The following NSMCE1 variants were observed in gnomAD, a reference collection of about 807,000 sequenced individuals.
NSMCE1 encodes non-structural maintenance of chromosomes element 1 homolog.
NSMCE1 carries 18 observed loss-of-function variants against 29.6 expected under a neutral mutation model. That is an observed-to-expected ratio of 0.61 (90% CI 0.42 to 0.90). The LOEUF is 0.90. NSMCE1 is among the 40% of genes least tolerant of loss of function. NSMCE1 has a pLI of 0.00. For missense variants in NSMCE1, 314 were observed against 343.6 expected, an observed-to-expected ratio of 0.91 and a Z score of 0.68; for synonymous variants, 124 against 133.4, an observed-to-expected ratio of 0.93 and a Z score of 0.49.
At chr16:27,256,084 G>A (rs138235295) in intron 2 of NSMCE1, among the ~76,000 whole-genome samples, 7 of 151,982 alleles carry the variant, frequency 4.6e-5, no homozygotes, top group African/African-American at 7.2e-5. Flanking sequence ...TTTTTTTTGT[G>A]TCCCTTCACC....
intron 1 of NSMCE1, among the ~76,000 whole-genome samples, chr16:27,265,707 G>GC (rs2141013769): frequency 6.6e-6 from 1 of 152,260 alleles, no homozygotes; most frequent in Non-Finnish European, 1.5e-5. Context: ...CAGCAATGAA[G>GC]ACAAAGTAGA....
At chr16:27,236,137 G>A (rs115640206) in intron 2 of NSMCE1, among the ~76,000 whole-genome samples, 209 of 152,254 alleles carry the variant, frequency 1.4e-3, no homozygotes, top group African/African-American at 4.8e-3. Flanking sequence ...CACTATTGCC[G>A]GGGGCTCAGC....
chr16:27,244,506 C>T (rs2083931260), intron 2 of NSMCE1, among the ~76,000 whole-genome samples: 1 of 152,196 alleles, frequency 6.6e-6, no homozygotes, highest in Non-Finnish European at 1.5e-5. Flanking sequence ...CCTATGTTGC[C>T]ACCTGCCTTT....
At chr16:27,226,987 C>T (rs2083704730) in intron 5 of NSMCE1, 151 bp from the exon 6 acceptor site, 1 of 628,770 alleles carries the variant, frequency 1.6e-6, no homozygotes, top group Admixed American at 2.6e-5. Context: ...GCATCAGCCA[C>T]ATCCCCCTGG....
At chr16:27,251,527 G>A (rs1346446658) in intron 2 of NSMCE1, among the ~76,000 whole-genome samples, 1 of 152,074 alleles carries the variant, frequency 6.6e-6, no homozygotes, top group Non-Finnish European at 1.5e-5. Flanking sequence ...CCACAGTTGG[G>A]TTTAGCACGT....
At chr16:27,243,639 C>T (rs4553637) in intron 2 of NSMCE1, among the ~76,000 whole-genome samples, 30,364 of 152,114 alleles carry the variant, frequency 0.2, 3,481 homozygotes, top group East Asian at 0.41. Flanking sequence ...GTAACTGATA[C>T]TACCCTAATT....
chr16:27,238,253 A>G (rs2083848970), intron 2 of NSMCE1, among the ~76,000 whole-genome samples: 1 of 152,042 alleles, frequency 6.6e-6, no homozygotes, highest in African/African-American at 2.4e-5. Flanking sequence ...AGCCACACAC[A>G]GTCTCGCCTC....
At chr16:27,238,793 A>C (rs2083856713) in intron 2 of NSMCE1, among the ~76,000 whole-genome samples, 1 of 151,756 alleles carries the variant, frequency 6.6e-6, no homozygotes. Context: ...AGGTGATGCC[A>C]TGCTTCCTGC....
At chr16:27,254,184 A>C (rs1052192390) in intron 2 of NSMCE1, among the ~76,000 whole-genome samples, 1 of 152,216 alleles carries the variant, frequency 6.6e-6, no homozygotes. Flanking sequence ...AAGTTTAGAT[A>C]ATTTCTGTCA....
At chr16:27,258,223 C>A (rs1054166261) in intron 1 of NSMCE1, 1 of 152,254 alleles carries the variant, frequency 6.6e-6, no homozygotes, top group African/African-American at 2.4e-5. Flanking sequence ...CTCCTGCTCA[C>A]TAACAAAATG....
At position 27,226,622 on chromosome 16, in the gene NSMCE1, A is replaced by T. The variant is rs546046790; in HGVS notation, c.600+98T>A. 3 of 766,274 alleles carry T rather than the reference A, an allele frequency of 3.9e-6. No individual in the cohort carries two copies. In the South Asian group the frequency reaches 4.9e-5, roughly 12 times the overall value. The allele number at this position is 766,274 out of a possible 1,614,324, so 47.5% of individuals were successfully genotyped here. ...TGGGAGGATGCGCCAGCAGTGCAGG[A>T]GGGCTGGGCCCAGAGCCAGGATTCC... is the stretch of plus-strand genomic sequence containing the variant. On this transcript the variant is annotated intron_variant, in intron 6 of 7. Coordinates refer to ENST00000361439, the MANE Select transcript of NSMCE1 (RefSeq NM_145080.4).
Position 27,264,974 on chromosome 16 carries a change from C to T in NSMCE1, c.-12+3732G>A, listed in dbSNP as rs73527521. Among the ~76,000 whole-genome samples, 690 of 151,850 alleles carry T rather than the reference C, an allele frequency of 4.5e-3. 4 individuals carry two copies. Among genetic ancestry groups the T allele is most frequent in the African/African-American group, 0.016 (651 of 41,422 alleles). The stretch of plus-strand genomic sequence containing the variant: ...AGAGAAATGGGCAACAGAAATTTTA[C>T]AAAAAGAGGATGCATAAATGATGAA... On this transcript the variant is annotated intron_variant, in intron 1 of 7. Coordinates refer to ENST00000361439, the MANE Select transcript of NSMCE1 (RefSeq NM_145080.4).
In NSMCE1 at chr16:27,260,545, A is replaced by C. The variant is rs1596698624; in HGVS notation, c.-11-2964T>G. On this transcript the variant is annotated intron_variant, in intron 1 of 7. Transcript: ENST00000361439. ...AAATAGACTAAATGTTCCAGCTTAA[A>C]GACAAGGACTGTTAGACCAGATTTA... Among the ~76,000 whole-genome samples, 3 of 152,336 alleles carry C rather than the reference A, an allele frequency of 2.0e-5. No homozygotes were observed. The East Asian group carries it at 5.8e-4, about 29-fold the overall frequency.
chr16:27,266,138 C>G (rs978207068), intron 1 of NSMCE1, among the ~76,000 whole-genome samples: 3 of 152,014 alleles, frequency 2.0e-5, no homozygotes, highest in Non-Finnish European at 4.4e-5. Flanking sequence ...TTTGGGAGGT[C>G]AAGGCGGGAG....
At chr16:27,231,803 C>T (rs1304105080) in intron 5 of NSMCE1, among the ~76,000 whole-genome samples, 1 of 152,280 alleles carries the variant, frequency 6.6e-6, no homozygotes, top group African/African-American at 2.4e-5. Flanking sequence ...AAACCGGGGC[C>T]TGAACTCGGC....
intron 1 of NSMCE1, among the ~76,000 whole-genome samples, chr16:27,263,062 T>C (rs975762245): frequency 3.9e-5 from 6 of 152,180 alleles, no homozygotes. Context: ...GCTGGCAAGG[T>C]TGCAGAGAAA....
intron 2 of NSMCE1, chr16:27,241,937 C>G (rs1385399442): frequency 7.4e-6 from 3 of 404,764 alleles, no homozygotes; most frequent in African/African-American, 6.2e-5. Flanking sequence ...AATCAGATGT[C>G]TGGCCATTAG....
At chr16:27,250,884 C>G (rs950044018) in intron 2 of NSMCE1, among the ~76,000 whole-genome samples, 1 of 139,130 alleles carries the variant, frequency 7.2e-6, no homozygotes, top group Non-Finnish European at 1.5e-5. Context: ...CTCTTGTTGC[C>G]CAGGCTGGGG....
At chr16:27,255,555 G>A (rs1373411790) in intron 2 of NSMCE1, among the ~76,000 whole-genome samples, 1 of 152,174 alleles carries the variant, frequency 6.6e-6, no homozygotes, top group East Asian at 1.9e-4. Flanking sequence ...AGTTCAACAG[G>A]CTAACTTGTT....
Sources: allele counts gnomAD v4.1 joint callset (sites outside exome capture counted in the v4.1 genomes callset), GRCh38; gene constraint gnomAD v4.1.1; transcripts MANE v1.5; gene names NCBI Gene and HGNC (gene_info 2026-07-23, HGNC 2026-07-21).